DPP8: variants seen among roughly 807,000 people sequenced by gnomAD.
The protein encoded by DPP8 is dipeptidyl peptidase 8.
In DPP8, 31 loss-of-function variants were observed where a neutral mutation model predicts 107.5. The observed-to-expected ratio is 0.29, with a 90% CI of 0.22 to 0.39. The LOEUF (loss-of-function observed/expected upper bound fraction) is 0.39. DPP8 is among the 10% of genes least tolerant of loss of function. The pLI, the probability that DPP8 is intolerant of heterozygous loss-of-function variation, is 1.00. For missense variants in DPP8, 842 were observed against 1,076.1 expected, an observed-to-expected ratio of 0.78 and a Z score of 3.04; for synonymous variants, 381 against 356.6, an observed-to-expected ratio of 1.07 and a Z score of -0.77.
At chr15:65,503,238 C>T (rs932903200) in intron 3 of DPP8, among the ~76,000 whole-genome samples, 1 of 151,226 alleles carries the variant, frequency 6.6e-6, no homozygotes, top group Non-Finnish European at 1.5e-5. Context: ...CTCCAAGTAT[C>T]TGGGATTATA....
intron 15 of DPP8, among the ~76,000 whole-genome samples, chr15:65,462,031 C>A (rs1330050372): frequency 1.3e-5 from 2 of 152,078 alleles, no homozygotes; most frequent in South Asian, 2.1e-4. Context: ...TGTAGTGGCA[C>A]AATCTCAGCT....
chr15:65,448,872 A>ATATATGTGTGTG lies in DPP8; in HGVS notation c.2527-1867_2527-1866insCACACACATATA, dbSNP rs1555444639. On this transcript the variant is annotated intron_variant, in intron 19 of 19. Transcript: ENST00000300141. ...ATATACATATATATCTAAAATATAT[A>ATATATGTGTGTG]TATATATATATATATATATATATAT... 1.1e-3 allele frequency among the ~76,000 whole-genome samples: 9 copies of ATATATGTGTGTG among 8,344 alleles called. 1 individual carries two copies. The highest frequency in any genetic ancestry group is 4.1e-3 in the African/African-American group (9 of 2,200). 5.5% of individuals were successfully genotyped at this position (8,344 alleles called of 152,430 possible).
Position 65,452,338 on chromosome 15 carries a change from T to C in DPP8, c.2272-236A>G, listed in dbSNP as rs770737969. Among the ~76,000 whole-genome samples the C allele has an allele frequency of 3.9e-5, 6 of 152,096 alleles. No homozygotes were observed. The South Asian group carries it at 1.2e-3, about 31-fold the overall frequency. ...CATTCTACATACCAAACCTTTAACC[T>C]GGGCTAGCTGAAATATGAAAGCCAG... is the stretch of plus-strand genomic sequence containing the variant. On this transcript the variant is annotated intron_variant, in intron 17 of 19. Coordinates refer to ENST00000300141, the MANE Select transcript of DPP8 (RefSeq NM_130434.5).
chr15:65,507,204 C>A, intron 3 of DPP8, 39 bp downstream of exon 3: 1 of 1,217,992 alleles, frequency 8.2e-7, no homozygotes. Flanking sequence ...TATCTGAATA[C>A]ATACACCAAA....
intron 5 of DPP8, among the ~76,000 whole-genome samples, chr15:65,493,666 A>AC (rs1167536370): frequency 6.6e-6 from 1 of 152,026 alleles, no homozygotes; most frequent in Non-Finnish European, 1.5e-5. Context: ...AAGATAAGTA[A>AC]CCCCCATTTG....
rs2070628468 is a variant in DPP8 at position 65,510,515 on chromosome 15, GT to G, written c.259+1779del. Among the ~76,000 whole-genome samples, 3 of 150,192 alleles carry G rather than the reference GT, an allele frequency of 2.0e-5. No homozygotes were observed. The Admixed American group carries it at 2.0e-4, about 10-fold the overall frequency. On this transcript the variant is annotated intron_variant, in intron 2 of 19. Coordinates refer to ENST00000300141, the MANE Select transcript of DPP8 (RefSeq NM_130434.5). ...AAACCAAAGATTATAGACTGTGAAT[GT>G]ACAGAAGAGAAATACAAATGGCTTT...
At chr15:65,455,497 C>T (rs2064339120) in intron 16 of DPP8, 1 of 253,986 alleles carries the variant, frequency 3.9e-6, no homozygotes, top group African/African-American at 2.3e-5. Flanking sequence ...GCCCTGTCTT[C>T]TTATTTCCCT....
intron 1 of DPP8, 32 bp from the exon 2 acceptor site, chr15:65,512,596 G>T: frequency 1.2e-6 from 2 of 1,610,304 alleles, no homozygotes; most frequent in Non-Finnish European, 1.7e-6. Flanking sequence ...AGCTGTTCAC[G>T]GGTCTATCTT....
chr15:65,491,431 C>T (rs930461630), intron 5 of DPP8, among the ~76,000 whole-genome samples: 4 of 152,092 alleles, frequency 2.6e-5, no homozygotes, highest in Non-Finnish European at 4.4e-5. Context: ...ACATCCCTAT[C>T]GCCACTTACA....
At chr15:65,506,773 A>C (rs8039629) in intron 3 of DPP8, among the ~76,000 whole-genome samples, 7 of 150,302 alleles carry the variant, frequency 4.7e-5, no homozygotes, top group African/African-American at 1.5e-4. Flanking sequence ...TTAATAAGAA[A>C]AAATAAAGAT....
intron 19 of DPP8, among the ~76,000 whole-genome samples, chr15:65,448,779 CTAAAATATACATATATAATATA>C (rs1436785457): frequency 2.5e-5 from 3 of 118,862 alleles, no homozygotes; most frequent in South Asian, 5.2e-4. Context: ...ACATATATAT[CTAAAATATACATATATAATATA>C]TAAAATATAC....
chr15:65,499,360 G>C (rs1305470711), intron 4 of DPP8, among the ~76,000 whole-genome samples: 1 of 151,758 alleles, frequency 6.6e-6, no homozygotes, highest in Admixed American at 6.6e-5. Context: ...AGCCTCCCGA[G>C]TAGCTAGGAC....
At chr15:65,494,938 A>G (rs2068432195) in intron 5 of DPP8, among the ~76,000 whole-genome samples, 1 of 152,168 alleles carries the variant, frequency 6.6e-6, no homozygotes, top group South Asian at 2.1e-4. Context: ...TTTAACCTCC[A>G]CAAAGTATCC....
intron 19 of DPP8, among the ~76,000 whole-genome samples, chr15:65,450,335 TTGATA>T (rs1180845035): frequency 6.6e-6 from 1 of 152,192 alleles, no homozygotes; most frequent in Non-Finnish European, 1.5e-5. Context: ...GAAATATTGA[TTGATA>T]TAATTGACAT....
rs1359035057 is a variant in DPP8 at position 65,517,633 on chromosome 15, C to T, written c.-159G>A. 1 of 152,592 alleles carries T rather than the reference C, an allele frequency of 6.6e-6. No individual in the cohort carries two copies. Among genetic ancestry groups the T allele is most frequent in the African/African-American group, 2.4e-5 (1 of 41,482 alleles). The allele number at this position is 152,592 out of a possible 1,614,324, so 9.5% of individuals were successfully genotyped here. ...GACAACCCAGGCGGCGAACGCGGCA[C>T]TAAGAAGCAGCGGCGGCAGTAGCAG... On this transcript the variant is annotated 5_prime_UTR_variant, in exon 1 of 20. It adds an upstream start codon to the 5' untranslated region. Transcript: ENST00000300141.
At chr15:65,462,765 C>G (rs574743237) in intron 15 of DPP8, among the ~76,000 whole-genome samples, 7 of 151,886 alleles carry the variant, frequency 4.6e-5, no homozygotes, top group African/African-American at 1.7e-4. Context: ...TTTTTAGTAG[C>G]GATAGGGTTT....
intron 5 of DPP8, among the ~76,000 whole-genome samples, chr15:65,491,431 C>G (rs930461630): frequency 2.0e-5 from 3 of 152,092 alleles, no homozygotes; most frequent in Non-Finnish European, 4.4e-5. Flanking sequence ...ACATCCCTAT[C>G]GCCACTTACA....
intron 1 of DPP8, chr15:65,515,919 T>C: frequency 1.9e-6 from 1 of 521,328 alleles, no homozygotes; most frequent in Non-Finnish European, 3.4e-6. Flanking sequence ...GGGCAATATA[T>C]AATGCCTACA....
At chr15:65,470,195 CAAAAAAAAAAA>C (rs11310623) in intron 12 of DPP8, among the ~76,000 whole-genome samples, 1 of 58,488 alleles carries the variant, frequency 1.7e-5, no homozygotes, top group Non-Finnish European at 3.2e-5. Context: ...ACTCTTGTCT[CAAAAAAAAAAA>C]AAAAAAAAAA....
Sources: gnomAD v4.1 joint callset for allele counts (sites outside exome capture counted in the v4.1 genomes callset) on GRCh38, gnomAD v4.1.1 for gene constraint, MANE v1.5 for transcripts, NCBI Gene and HGNC (gene_info 2026-07-23, HGNC 2026-07-21) for gene names.